The following KPNB1 variants were observed in gnomAD, a reference collection of about 807,000 sequenced individuals.
KPNB1 encodes the protein importin subunit beta-1.
KPNB1 carries 7 observed loss-of-function variants against 113.0 expected under a neutral mutation model. The ratio of observed to expected loss-of-function variants is 0.06; its 90% CI spans 0.04 to 0.12. KPNB1 has a LOEUF of 0.12. Among genes scored for constraint, KPNB1 ranks in the 10% least tolerant of loss-of-function variants. The probability of loss-of-function intolerance (pLI) is 1.00; values close to 1 mark genes in which losing one functional copy is unlikely to be tolerated. For synonymous variants in KPNB1, 363 were observed against 378.6 expected, an observed-to-expected ratio of 0.96 and a Z score of 0.48; for missense variants, 400 against 1,054.8, an observed-to-expected ratio of 0.38 and a Z score of 8.60.
intron 5 of KPNB1, 99 bp from the exon 6 acceptor site, chr17:47,661,020 G>A (rs939152161): frequency 1.9e-5 from 17 of 882,990 alleles, no homozygotes; most frequent in Non-Finnish European, 3.2e-5. Context: ...GTGGGGCCCT[G>A]AGGGGGAGTG....
intron 19 of KPNB1, 106 bp downstream of exon 19, chr17:47,678,519 C>T: frequency 1.3e-6 from 1 of 763,582 alleles, no homozygotes; most frequent in South Asian, 1.6e-5. Context: ...GTGCCTGTTG[C>T]TTAAAAGGCT....
At chr17:47,678,255 A>G in intron 18 of KPNB1, 53 bp from the exon 19 acceptor site, 1 of 1,610,520 alleles carries the variant, frequency 6.2e-7, no homozygotes, top group Non-Finnish European at 8.5e-7. Flanking sequence ...ATTGACAAAC[A>G]TGCAGCTAAA....
At position 47,673,093 on chromosome 17, in the gene KPNB1, G is replaced by A; in HGVS notation, c.1623G>A (p.Lys541=). 4.3e-6 allele frequency: 7 copies of A among 1,614,002 alleles called. No individual in the cohort carries two copies. Among genetic ancestry groups the A allele is most frequent in the East Asian group, 2.2e-5 (1 of 44,884 alleles). ...TGGAAATTGTGAAAAACAGTGCCAA[G>A]GATTGTTATCCTGCTGTCCAGAAAA... ...SLMEIVKNSA[K]DCYPAVQKTT... Residue 541 remains lysine, a synonymous_variant, in exon 13 of 22, where the codon AAG becomes AAA. Coordinates refer to ENST00000290158, the MANE Select transcript of KPNB1 (RefSeq NM_002265.6).
Position 47,650,175 on chromosome 17 carries a change from C to T in KPNB1, c.-70C>T. The T allele has an allele frequency of 6.7e-7, 1 of 1,491,338 alleles. No individual in the cohort carries two copies. Among genetic ancestry groups the T allele is most frequent in the Admixed American group, 2.6e-5 (1 of 38,784 alleles). The allele number at this position is 1,491,338 out of a possible 1,614,324, so 92.4% of individuals were successfully genotyped here. On this transcript the variant is annotated 5_prime_UTR_variant, in exon 1 of 22. Coordinates refer to ENST00000290158, the MANE Select transcript of KPNB1 (RefSeq NM_002265.6). ...CCACCCGACCCCCAACCCCCATCCC[C>T]AGTTCGAGCCGCCGCCCGAAAGGCC...
chr17:47,650,165 C>T lies in KPNB1; in HGVS notation c.-80C>T. 5 of 1,396,264 alleles carry T rather than the reference C, an allele frequency of 3.6e-6. No homozygotes were observed. The highest frequency in any genetic ancestry group is 4.6e-6 in the Non-Finnish European group (5 of 1,080,360). The allele number at this position is 1,396,264 out of a possible 1,614,324, so 86.5% of individuals were successfully genotyped here. On this transcript the variant is annotated 5_prime_UTR_variant, in exon 1 of 22. Coordinates refer to ENST00000290158, the MANE Select transcript of KPNB1 (RefSeq NM_002265.6). ...CCCTCCCTTCCCACCCGACCCCCAA[C>T]CCCCATCCCCAGTTCGAGCCGCCGC...
At chr17:47,669,594 C>A in intron 10 of KPNB1, 84 bp from the exon 11 acceptor site, 1 of 981,308 alleles carries the variant, frequency 1.0e-6, no homozygotes, top group Non-Finnish European at 1.6e-6. Flanking sequence ...GTTAAGCCAT[C>A]CATCAGTATT....
At chr17:47,650,618 G>A (rs1915528778) in intron 2 of KPNB1, among the ~76,000 whole-genome samples, 174 bp downstream of exon 2, 1 of 141,288 alleles carries the variant, frequency 7.1e-6, no homozygotes, top group Admixed American at 7.0e-5. Context: ...TCGGGAAGCC[G>A]GTGGGTGTGT....
intron 12 of KPNB1, among the ~76,000 whole-genome samples, chr17:47,672,718 T>C (rs924146477): frequency 3.9e-5 from 6 of 152,362 alleles, no homozygotes; most frequent in Admixed American, 2.0e-4. Flanking sequence ...TTCATAGCAC[T>C]TCAGACAACC....
intron 19 of KPNB1, chr17:47,679,804 T>C (rs1408671703): frequency 1.5e-5 from 6 of 389,294 alleles, no homozygotes; most frequent in East Asian, 5.2e-5. Flanking sequence ...TCACGCCATT[T>C]TCCTACCTCA....
Position 47,667,781 on chromosome 17 carries a change from C to T in KPNB1, c.1000-405C>T, listed in dbSNP as rs183347007. 4.8e-4 allele frequency among the ~76,000 whole-genome samples: 73 copies of T among 151,560 alleles called. 1 individual carries two copies. The Middle Eastern group carries it at 0.028, about 57-fold the overall frequency. On this transcript the variant is annotated intron_variant, in intron 9 of 21. Coordinates refer to ENST00000290158, the MANE Select transcript of KPNB1 (RefSeq NM_002265.6). ...CCATGTTGACCAGGCTGGTCTCAAA[C>T]TCCTGACCTCAGGTGATCCACCCAC...
rs2029927684 is a variant in KPNB1 at position 47,656,919 on chromosome 17, T to C, written c.342T>C (p.Ala114=). The C allele has an allele frequency of 6.2e-7, 1 of 1,614,040 alleles. No individual in the cohort carries two copies. The highest frequency in any genetic ancestry group is 8.5e-7 in the Non-Finnish European group (1 of 1,180,014). The change falls in exon 4 of 22, where the codon GCT becomes GCC. Residue 114 remains alanine, a synonymous_variant. Coordinates refer to ENST00000290158, the MANE Select transcript of KPNB1 (RefSeq NM_002265.6). ...CTAGTTCTGCCTCACAGTGTGTGGC[T>C]GGTATTGCTTGTGCAGAGATCCCAG... ...YRPSSASQCV[A]GIACAEIPVN... is the part of the protein sequence containing the mutation.
Position 47,683,802 on chromosome 17 carries a change from T to C in KPNB1, c.*1398T>C, listed in dbSNP as rs560189795. ...TGATGAAAATGGCACTTGGAAAAGG[T>C]TTTATTTTTCCACTGAAGTTGAAGG... is the stretch of plus-strand genomic sequence containing the variant. On this transcript the variant is annotated 3_prime_UTR_variant, in exon 22 of 22. Coordinates refer to ENST00000290158, the MANE Select transcript of KPNB1 (RefSeq NM_002265.6). 6.6e-6 allele frequency: 1 copy of C among 152,466 alleles called. No individual in the cohort carries two copies. The highest frequency in any genetic ancestry group is 1.5e-5 in the Non-Finnish European group (1 of 67,950). The allele number at this position is 152,466 out of a possible 1,614,324, so 9.4% of individuals were successfully genotyped here.
At chr17:47,682,382 CT>C (rs777941601) in intron 21 of KPNB1, 21 bp from the exon 22 acceptor site, 9 of 780,582 alleles carry the variant, frequency 1.2e-5, no homozygotes, top group African/African-American at 8.5e-5. Context: ...AAAGATTGAC[CT>C]TTTTTTCCAT....
At chr17:47,652,186 C>A (rs1353228024) in intron 2 of KPNB1, among the ~76,000 whole-genome samples, 1 of 152,054 alleles carries the variant, frequency 6.6e-6, no homozygotes, top group Admixed American at 6.6e-5. Context: ...GAAAAGCTAC[C>A]CTGCTGCTGC....
At chr17:47,661,063 C>A (rs1184012770) in intron 5 of KPNB1, 56 bp from the exon 6 acceptor site, 2 of 1,405,298 alleles carry the variant, frequency 1.4e-6, no homozygotes, top group Non-Finnish European at 2.0e-6. Flanking sequence ...GTCTGGAAAT[C>A]TTCCTACGTA....
chr17:47,656,807 T>C lies in KPNB1; in HGVS notation c.283-53T>C. 2.6e-6 allele frequency: 4 copies of C among 1,563,902 alleles called. No individual in the cohort carries two copies. In the South Asian group the frequency reaches 4.5e-5, roughly 17 times the overall value. On this transcript the variant is annotated intron_variant, in intron 3 of 21. Coordinates refer to ENST00000290158, the MANE Select transcript of KPNB1 (RefSeq NM_002265.6). Reference sequence around the variant, plus strand: ...AATATAAGTATGGTGGTGGGCAAAATGTGGTCAAATAGTGTTAGAAATTTG... The same window carrying C: ...AATATAAGTATGGTGGTGGGCAAAACGTGGTCAAATAGTGTTAGAAATTTG...
chr17:47,669,913 C>T (rs1404347221), intron 11 of KPNB1, 44 bp downstream of exon 11: 2 of 1,409,052 alleles, frequency 1.4e-6, no homozygotes, highest in Non-Finnish European at 2.0e-6. Context: ...TTGCCTGCGC[C>T]ACTGGCAAGA....
Position 47,677,273 on chromosome 17 carries a change from A to G in KPNB1, c.2103+146A>G, listed in dbSNP as rs1403018537. The G allele has an allele frequency of 2.4e-5, 15 of 627,986 alleles. No individual in the cohort carries two copies. The East Asian group carries it at 3.9e-4, about 16-fold the overall frequency. The allele number at this position is 627,986 out of a possible 1,614,324, so 38.9% of individuals were successfully genotyped here. Reference sequence around the variant, plus strand: ...CGAGGCAGGCCAGGAGTTCGAGACCAACCTGGACAACATGGTGAAACCCCG... The same window carrying G: ...CGAGGCAGGCCAGGAGTTCGAGACCGACCTGGACAACATGGTGAAACCCCG... On this transcript the variant is annotated intron_variant, in intron 17 of 21. Coordinates refer to ENST00000290158, the MANE Select transcript of KPNB1 (RefSeq NM_002265.6).
intron 15 of KPNB1, among the ~76,000 whole-genome samples, chr17:47,675,320 A>T (rs1221230449): frequency 6.0e-5 from 9 of 149,756 alleles, no homozygotes; most frequent in Middle Eastern, 3.2e-3. Flanking sequence ...CAGTCCATTT[A>T]AATGGGGAGC....
Sources: gnomAD v4.1 joint callset for allele counts (sites outside exome capture counted in the v4.1 genomes callset) on GRCh38, gnomAD v4.1.1 for gene constraint, MANE v1.5 for transcripts, NCBI Gene and HGNC (gene_info 2026-07-23, HGNC 2026-07-21) for gene names.